Variants in KCNMA1 observed in about 807,000 individuals in gnomAD.
KCNMA1 encodes potassium calcium-activated channel subfamily M alpha 1.
In KCNMA1, 29 loss-of-function variants were observed where a neutral mutation model predicts 140.0. That is an observed-to-expected ratio of 0.21 (90% CI 0.15 to 0.28). The LOEUF is 0.28. KCNMA1 is among the 10% of genes least tolerant of loss of function. KCNMA1 has a pLI of 1.00. For synonymous variants in KCNMA1, 612 were observed against 611.9 expected, an observed-to-expected ratio of 1.00 and a Z score of 0.00; for missense variants, 880 against 1,602.2, an observed-to-expected ratio of 0.55 and a Z score of 7.70.
chr10:77,021,086 A>G (rs1371844182), intron 16 of KCNMA1: 2 of 152,172 alleles, frequency 1.3e-5, no homozygotes, highest in Non-Finnish European at 2.9e-5. Flanking sequence ...AGCTGACCCC[A>G]TGGAATATAA....
At chr10:77,585,196 G>A (rs2076936314) in intron 1 of KCNMA1, among the ~76,000 whole-genome samples, 1 of 152,170 alleles carries the variant, frequency 6.6e-6, no homozygotes, top group Non-Finnish European at 1.5e-5. Context: ...ACTATCGGGG[G>A]AGGTGAACAG....
chr10:76,907,465 G>C (rs1443098254), intron 25 of KCNMA1, among the ~76,000 whole-genome samples: 1 of 152,186 alleles, frequency 6.6e-6, no homozygotes, highest in Admixed American at 6.5e-5. Flanking sequence ...CTTGGAACCA[G>C]GGCTGGTTTC....
At chr10:77,184,178 C>T (rs1243123504) in intron 4 of KCNMA1, among the ~76,000 whole-genome samples, 3 of 151,914 alleles carry the variant, frequency 2.0e-5, no homozygotes, top group East Asian at 1.9e-4. Context: ...CACTGCTAAA[C>T]GTAATTTTAA....
At chr10:77,000,858 AT>A (rs748171956) in intron 19 of KCNMA1, among the ~76,000 whole-genome samples, 40,810 of 87,994 alleles carry the variant, frequency 0.46, 10,442 homozygotes, top group Middle Eastern at 0.55. Context: ...TAAAAAGAAA[AT>A]ATATATATAT....
rs1350655612 is a variant in KCNMA1, at chr10:77,609,234, A to T, written c.378+28031T>A. Among the ~76,000 whole-genome samples, 3 of 152,246 alleles carry T rather than the reference A, an allele frequency of 2.0e-5. No homozygotes were observed. The East Asian group carries it at 5.8e-4, about 29-fold the overall frequency. ...GGATGATGGATAAAGAAATTGTGGT[A>T]CATGTACACAGTGGAACACTATTCA... is the stretch of plus-strand genomic sequence containing the variant. On this transcript the variant is annotated intron_variant, in intron 1 of 27. Coordinates refer to ENST00000286628, the MANE Select transcript of KCNMA1 (RefSeq NM_001161352.2).
chr10:77,529,982 C>T (rs996013174), intron 1 of KCNMA1, among the ~76,000 whole-genome samples: 11 of 152,174 alleles, frequency 7.2e-5, no homozygotes, highest in African/African-American at 1.7e-4. Flanking sequence ...ATTGAGACTC[C>T]GGGAGGTCAG....
intron 2 of KCNMA1, among the ~76,000 whole-genome samples, chr10:77,324,353 T>C (rs938261421): frequency 6.6e-6 from 1 of 152,120 alleles, no homozygotes; most frequent in Non-Finnish European, 1.5e-5. Flanking sequence ...TGTATCCTAG[T>C]GAGAATTACA....
intron 1 of KCNMA1, among the ~76,000 whole-genome samples, chr10:77,473,276 T>G (rs867097737): frequency 1.4e-4 from 21 of 152,150 alleles, no homozygotes; most frequent in African/African-American, 4.8e-4. Flanking sequence ...GAGGCAGGCA[T>G]TGGAGGAGTT....
At chr10:77,242,555 T>C (rs919891083) in intron 3 of KCNMA1, among the ~76,000 whole-genome samples, 1 of 152,224 alleles carries the variant, frequency 6.6e-6, no homozygotes, top group Non-Finnish European at 1.5e-5. Flanking sequence ...ATATTAGTCA[T>C]TGATATATTG....
rs577988617 is a variant in KCNMA1 at position 76,944,781 on chromosome 10, T to G, written c.2894A>C (p.Asn965Thr). The change falls in exon 23 of 28, where the codon AAT becomes ACT. Residue 965 changes from asparagine to threonine, a missense_variant. Around this residue, in one of 13 missense-constraint regions of KCNMA1, gnomAD observed 44 missense variants for 58.2 expected, o/e 0.76. Transcript: ENST00000286628. ...FDDSIGVLQA[N>T]SQGFTPPGMD... ...TTACAGGCTGTCCTTACCTTGGGAA[T>G]TAGCCTGCAAGACTCCGATGCTGTC... is the stretch of plus-strand genomic sequence containing the variant. 1 of 1,614,064 alleles carries G rather than the reference T, an allele frequency of 6.2e-7. No individual in the cohort carries two copies. Among genetic ancestry groups the G allele is most frequent in the East Asian group, 2.2e-5 (1 of 44,882 alleles).
intron 18 of KCNMA1, among the ~76,000 whole-genome samples, chr10:77,003,891 T>C (rs989890836): frequency 1.3e-5 from 2 of 152,178 alleles, no homozygotes; most frequent in African/African-American, 4.8e-5. Flanking sequence ...AACCTCCTCC[T>C]TGATATGAGT....
intron 25 of KCNMA1, among the ~76,000 whole-genome samples, chr10:76,895,243 G>A (rs1244871887): frequency 6.6e-6 from 1 of 152,118 alleles, no homozygotes; most frequent in African/African-American, 2.4e-5. Flanking sequence ...TGCTCACTTG[G>A]GATACTCGGC....
chr10:77,393,195 G>T (rs575006408), intron 2 of KCNMA1, among the ~76,000 whole-genome samples: 46 of 152,304 alleles, frequency 3.0e-4, no homozygotes, highest in Middle Eastern at 3.4e-3. Flanking sequence ...CTTGCCTGGG[G>T]CATTCAGAGC....
chr10:77,242,179 C>T (rs889849913), intron 3 of KCNMA1, among the ~76,000 whole-genome samples: 3 of 152,220 alleles, frequency 2.0e-5, no homozygotes, highest in East Asian at 3.8e-4. Flanking sequence ...CATTCAGATG[C>T]TTCTGGAAAT....
At chr10:77,162,258 A>T (rs1343216470) in intron 5 of KCNMA1, among the ~76,000 whole-genome samples, 1 of 152,210 alleles carries the variant, frequency 6.6e-6, no homozygotes, top group Admixed American at 6.5e-5. Context: ...TCCGATAAGC[A>T]AACAAAATCT....
intron 2 of KCNMA1, chr10:77,314,255 T>G (rs2080155551): frequency 6.6e-6 from 1 of 152,168 alleles, no homozygotes; most frequent in African/African-American, 2.4e-5. Context: ...AGAGGCCACA[T>G]CAGGGACAAA....
At chr10:76,953,704 C>G (rs1255923072) in intron 21 of KCNMA1, 97 bp downstream of exon 21, 2 of 1,419,256 alleles carry the variant, frequency 1.4e-6, no homozygotes, top group Non-Finnish European at 2.0e-6. Flanking sequence ...GGACCAGGGA[C>G]AGTATTATCC....
At chr10:77,198,971 C>T (rs1324317763) in intron 3 of KCNMA1, among the ~76,000 whole-genome samples, 1 of 152,170 alleles carries the variant, frequency 6.6e-6, no homozygotes, top group Non-Finnish European at 1.5e-5. Flanking sequence ...TGTGAATGAG[C>T]AGTGCACTGC....
chr10:77,383,030 TC>T (rs2095482777), intron 2 of KCNMA1, among the ~76,000 whole-genome samples: 1 of 103,012 alleles, frequency 9.7e-6, no homozygotes, highest in Admixed American at 1.0e-4. Flanking sequence ...ATATATATAT[TC>T]CAAGTGGAGG....
Sources: allele counts gnomAD v4.1 joint callset (sites outside exome capture counted in the v4.1 genomes callset), GRCh38; gene constraint gnomAD v4.1.1; regional missense constraint gnomAD v4.1.1; transcripts MANE v1.5; gene names NCBI Gene and HGNC (gene_info 2026-07-23, HGNC 2026-07-21).